SORCS1: variants seen among roughly 807,000 people sequenced by gnomAD.
SORCS1 encodes VPS10 domain-containing receptor SorCS1.
A neutral mutation model predicts 146.1 loss-of-function variants in SORCS1; 60 were observed. The observed-to-expected ratio is 0.41, with a 90% CI of 0.33 to 0.51. SORCS1 has a LOEUF of 0.51. Ranked by LOEUF, SORCS1 falls within the 20% of genes least tolerant of loss-of-function variation. The pLI is 0.21. For synonymous variants in SORCS1, 637 were observed against 584.0 expected (o/e 1.09, Z -1.31); for missense variants, 1,352 against 1,487.6 (o/e 0.91, Z 1.50).
intron 2 of SORCS1, among the ~76,000 whole-genome samples, chr10:106,836,284 C>A (rs1948781440): frequency 6.6e-6 from 1 of 151,982 alleles, no homozygotes; most frequent in African/African-American, 2.4e-5. Context: ...ATCATCCTGG[C>A]TAACACGGTG....
At position 107,139,928 on chromosome 10, in the gene SORCS1, T is replaced by A. The variant is rs191447039; in HGVS notation, c.558+24041A>T. 1.8e-3 allele frequency among the ~76,000 whole-genome samples: 271 copies of A among 152,308 alleles called. 2 individuals are homozygous for A. Among genetic ancestry groups the A allele is most frequent in the African/African-American group, 6.2e-3 (256 of 41,552 alleles). Reference sequence around the variant, plus strand: ...CGTTTTGCCTTTGGTGAAATTGAGATGTAGAGTGTTTAAGTAATTTCTTTG... The same window carrying A: ...CGTTTTGCCTTTGGTGAAATTGAGAAGTAGAGTGTTTAAGTAATTTCTTTG... On this transcript the variant is annotated intron_variant, in intron 1 of 25. Transcript: ENST00000263054.
intron 1 of SORCS1, among the ~76,000 whole-genome samples, chr10:106,982,692 A>G (rs1428817174): frequency 6.6e-6 from 1 of 152,210 alleles, no homozygotes; most frequent in Non-Finnish European, 1.5e-5. Flanking sequence ...AATCACTATT[A>G]CAGGTAAAAG....
intron 2 of SORCS1, among the ~76,000 whole-genome samples, chr10:106,855,859 C>T (rs1949766124): frequency 6.6e-6 from 1 of 151,980 alleles, no homozygotes; most frequent in African/African-American, 2.4e-5. Context: ...TCTGATATTC[C>T]TATCATATAT....
At chr10:107,023,015 G>A (rs1958214544) in intron 1 of SORCS1, among the ~76,000 whole-genome samples, 1 of 152,196 alleles carries the variant, frequency 6.6e-6, no homozygotes. Flanking sequence ...TGTGACACAT[G>A]TTCAGAGACG....
At chr10:106,984,202 G>A (rs1482972559) in intron 1 of SORCS1, among the ~76,000 whole-genome samples, 3 of 151,934 alleles carry the variant, frequency 2.0e-5, no homozygotes, top group East Asian at 1.9e-4. Flanking sequence ...TCAGAAAGTC[G>A]GATTTTAGGA....
intron 1 of SORCS1, among the ~76,000 whole-genome samples, chr10:107,120,118 T>C (rs1380612853): frequency 6.6e-6 from 1 of 152,198 alleles, no homozygotes; most frequent in Non-Finnish European, 1.5e-5. Context: ...TCTTACTGTT[T>C]ATTAGACTTT....
intron 2 of SORCS1, among the ~76,000 whole-genome samples, chr10:106,838,923 G>A (rs1208298815): frequency 6.6e-6 from 1 of 152,094 alleles, no homozygotes; most frequent in Non-Finnish European, 1.5e-5. Context: ...TCATTTTGGG[G>A]TGCCCTGAAC....
intron 2 of SORCS1, among the ~76,000 whole-genome samples, chr10:106,904,998 T>C (rs1951854046): frequency 6.6e-6 from 1 of 152,224 alleles, no homozygotes; most frequent in African/African-American, 2.4e-5. Context: ...AAACGGAATA[T>C]AACACAACTC....
intron 19 of SORCS1, among the ~76,000 whole-genome samples, chr10:106,625,256 T>C (rs1459709161): frequency 8.7e-6 from 1 of 114,796 alleles, no homozygotes. Flanking sequence ...GTACACTGGC[T>C]GCTCTGGCCT....
chr10:106,633,967 G>A (rs989887205), intron 18 of SORCS1, among the ~76,000 whole-genome samples: 2 of 152,140 alleles, frequency 1.3e-5, no homozygotes, highest in Admixed American at 1.3e-4. Context: ...AGGTCTTCTT[G>A]TGGTCGGATA....
intron 20 of SORCS1, chr10:106,620,223 T>G: frequency 1.9e-6 from 1 of 513,982 alleles, no homozygotes; most frequent in Non-Finnish European, 3.2e-6. Context: ...AAGGCAGAGA[T>G]GAAATGCAGA....
At chr10:106,756,464 G>A (rs1263861493) in intron 5 of SORCS1, among the ~76,000 whole-genome samples, 4 of 152,146 alleles carry the variant, frequency 2.6e-5, no homozygotes, top group Non-Finnish European at 5.9e-5. Flanking sequence ...AAACCTCAGT[G>A]TCCTTGAACC....
chr10:106,883,819 T>C (rs1950896971), intron 2 of SORCS1, among the ~76,000 whole-genome samples: 1 of 152,216 alleles, frequency 6.6e-6, no homozygotes. Flanking sequence ...ACGATGATGT[T>C]TCTGATCTTG....
intron 13 of SORCS1, among the ~76,000 whole-genome samples, chr10:106,676,591 A>G (rs1288844015): frequency 6.6e-6 from 1 of 152,086 alleles, no homozygotes; most frequent in African/African-American, 2.4e-5. Flanking sequence ...TCACATTTGC[A>G]AAGTATAATG....
intron 6 of SORCS1, among the ~76,000 whole-genome samples, chr10:106,712,094 C>T (rs920406739): frequency 3.9e-5 from 6 of 152,078 alleles, no homozygotes; most frequent in Non-Finnish European, 7.3e-5. Flanking sequence ...GTACTGAAAG[C>T]GAATCACTGA....
rs146718173 is a variant in SORCS1 at position 107,005,922 on chromosome 10, A to C, written c.559-49342T>G. The stretch of plus-strand genomic sequence containing the variant: ...TAAATATTTCAATTTCTATACCACC[A>C]TGATAGAAAATTATATCAATTGCCC... On this transcript the variant is annotated intron_variant, in intron 1 of 25. Transcript: ENST00000263054. 2.0e-3 allele frequency among the ~76,000 whole-genome samples: 309 copies of C among 152,310 alleles called. 6 individuals carry two copies. The highest frequency in any genetic ancestry group is 0.019 in the East Asian group (97 of 5,190).
At position 106,686,110 on chromosome 10, in the gene SORCS1, T is replaced by A. The variant is rs536083261; in HGVS notation, c.1560+2082A>T. On this transcript the variant is annotated intron_variant, in intron 10 of 25. Coordinates refer to ENST00000263054, the MANE Select transcript of SORCS1 (RefSeq NM_052918.5). ...TTACCTCAAAATAAAGTTGATTTTTTAAAAAAAATGGTCCCATTGGCTGCT... is the reference window on the plus strand; with the variant it reads ...TTACCTCAAAATAAAGTTGATTTTTAAAAAAAAATGGTCCCATTGGCTGCT... Among the ~76,000 whole-genome samples the A allele has an allele frequency of 7.2e-5, 11 of 152,306 alleles. 1 individual carries two copies. The highest frequency in any genetic ancestry group is 3.9e-4 in the East Asian group (2 of 5,176).
intron 4 of SORCS1, among the ~76,000 whole-genome samples, chr10:106,764,437 T>C (rs1019546715): frequency 6.6e-6 from 1 of 152,216 alleles, no homozygotes; most frequent in South Asian, 2.1e-4. Context: ...AGCGGAAGGC[T>C]TTCCCTGTAG....
intron 3 of SORCS1, among the ~76,000 whole-genome samples, chr10:106,812,407 T>A (rs184187643): frequency 1.8e-4 from 27 of 152,334 alleles, no homozygotes; most frequent in African/African-American, 6.3e-4. Flanking sequence ...AATCACTGAT[T>A]TGAGAAGCTG....
Sources: allele counts gnomAD v4.1 joint callset (sites outside exome capture counted in the v4.1 genomes callset), GRCh38; gene constraint gnomAD v4.1.1; transcripts MANE v1.5; gene names NCBI Gene and HGNC (gene_info 2026-07-23, HGNC 2026-07-21).